Variants in TRAPPC9 observed in about 807,000 individuals in gnomAD.
The protein encoded by TRAPPC9 is IKK2 binding protein.
Under a neutral mutation model 124.0 loss-of-function variants are expected in TRAPPC9, and 83 were observed. That is an observed-to-expected ratio of 0.67 (90% CI 0.56 to 0.80). TRAPPC9 has a LOEUF of 0.80. TRAPPC9 is among the 30% of genes least tolerant of loss of function. The pLI, the probability that TRAPPC9 is intolerant of heterozygous loss-of-function variation, is 0.00. For missense variants in TRAPPC9, 1,302 were observed against 1,508.3 expected, an observed-to-expected ratio of 0.86 and a Z score of 2.27; for synonymous variants, 638 against 617.5, an observed-to-expected ratio of 1.03 and a Z score of -0.49.
chr8:139,753,020 A>ACCAT (rs1311688259), intron 21 of TRAPPC9, among the ~76,000 whole-genome samples: 1 of 146,260 alleles, frequency 6.8e-6, no homozygotes, highest in African/African-American at 2.6e-5. Flanking sequence ...CCACCCATCT[A>ACCAT]CCATCCATCC....
rs188457448 is a variant in TRAPPC9 at position 140,064,304 on chromosome 8, C to T, written c.2557-40225G>A. 1.4e-3 allele frequency among the ~76,000 whole-genome samples: 219 copies of T among 152,258 alleles called. 1 individual carries two copies. The highest frequency in any genetic ancestry group is 5.0e-3 in the African/African-American group (207 of 41,538). On this transcript the variant is annotated intron_variant, in intron 17 of 22. Coordinates refer to ENST00000438773, the MANE Select transcript of TRAPPC9 (RefSeq NM_001160372.4). ...TCTGGTTTTACAACGTGACATTCAT[C>T]GATGTATACCTAGAGTCCTGTGCAA...
chr8:140,439,861 ATT>A (rs60604899), intron 2 of TRAPPC9, among the ~76,000 whole-genome samples: 7 of 151,420 alleles, frequency 4.6e-5, no homozygotes, highest in South Asian at 4.2e-4. Flanking sequence ...AAGATAGATG[ATT>A]TTTTTTTTAA....
intron 17 of TRAPPC9, 76 bp downstream of exon 17, chr8:140,221,383 C>A: frequency 6.9e-6 from 11 of 1,598,520 alleles, no homozygotes; most frequent in Non-Finnish European, 8.6e-6. Context: ...GAAAAGGACT[C>A]AGAGCTGTGC....
chr8:139,999,005 C>T (rs1007451284), intron 18 of TRAPPC9, among the ~76,000 whole-genome samples: 3 of 151,880 alleles, frequency 2.0e-5, no homozygotes, highest in African/African-American at 4.8e-5. Context: ...AAGCTCAATG[C>T]TTTAAAAATC....
rs1175253126 is a variant in TRAPPC9 at position 139,962,491 on chromosome 8, T to C, written c.2810+26235A>G. Among the ~76,000 whole-genome samples, 3 of 125,046 alleles carry C rather than the reference T, an allele frequency of 2.4e-5. 1 individual carries two copies. Among genetic ancestry groups the C allele is most frequent in the Non-Finnish European group, 5.7e-5 (3 of 52,410 alleles). The allele number at this position is 125,046 out of a possible 152,430, so 82.0% of individuals were successfully genotyped here. ...GTATTTGTGGTTTTTCAGTAGTATC[T>C]ATCATCCAAACACCATCATATCCTG... is the stretch of plus-strand genomic sequence containing the variant. On this transcript the variant is annotated intron_variant, in intron 19 of 22. Coordinates refer to ENST00000438773, the MANE Select transcript of TRAPPC9 (RefSeq NM_001160372.4).
chr8:139,975,717 G>A (rs1836395577), intron 19 of TRAPPC9, among the ~76,000 whole-genome samples: 1 of 152,046 alleles, frequency 6.6e-6, no homozygotes, highest in Non-Finnish European at 1.5e-5. Flanking sequence ...CAGGCCATGG[G>A]ACGCCATTTC....
chr8:140,250,434 A>C (rs1384633425), intron 16 of TRAPPC9, among the ~76,000 whole-genome samples: 2 of 152,198 alleles, frequency 1.3e-5, no homozygotes, highest in Non-Finnish European at 2.9e-5. Context: ...AATTGGATCC[A>C]CACGTGGTCC....
chr8:140,397,631 T>G lies in TRAPPC9; in HGVS notation c.1123A>C (p.Asn375His). The change falls in exon 7 of 23, where the codon AAC becomes CAC. Residue 375 changes from asparagine to histidine, a missense_variant. Asn to His is a moderately conservative substitution (Grantham distance 68). This residue lies in a region of TRAPPC9 where 657 missense variants were observed against 811.2 expected (regional missense o/e 0.81). Coordinates refer to ENST00000438773, the MANE Select transcript of TRAPPC9 (RefSeq NM_001160372.4). ...SEFLQNAVYINLRQLSEEEKI... is the reference protein window; with the variant it reads ...SEFLQNAVYIHLRQLSEEEKI... The stretch of plus-strand genomic sequence containing the variant: ...AGACATACACTCACCTGTCGAAGGT[T>G]AATGTAAACTGCATTCTGAAGAAAT... The G allele has an allele frequency of 6.2e-7, 1 of 1,614,134 alleles. No homozygotes were observed. The highest frequency in any genetic ancestry group is 8.5e-7 in the Non-Finnish European group (1 of 1,180,006).
intron 19 of TRAPPC9, among the ~76,000 whole-genome samples, chr8:139,974,351 G>A (rs1283201561): frequency 2.6e-5 from 4 of 152,152 alleles, no homozygotes; most frequent in African/African-American, 9.7e-5. Flanking sequence ...ATGAGCCTCC[G>A]CCATGTGACG....
chr8:140,322,165 A>C (rs2066613574), intron 9 of TRAPPC9, among the ~76,000 whole-genome samples: 1 of 152,156 alleles, frequency 6.6e-6, no homozygotes, highest in African/African-American at 2.4e-5. Flanking sequence ...CCCCAAACCC[A>C]CAAATCCAGC....
intron 21 of TRAPPC9, among the ~76,000 whole-genome samples, chr8:139,800,105 G>A (rs574587471): frequency 6.0e-4 from 91 of 152,370 alleles, no homozygotes; most frequent in Non-Finnish European, 1.1e-3. Context: ...GCCAAAAGAC[G>A]GAGAGGGCAT....
intron 16 of TRAPPC9, among the ~76,000 whole-genome samples, chr8:140,248,753 A>G (rs2064047661): frequency 6.6e-6 from 1 of 152,152 alleles, no homozygotes; most frequent in South Asian, 2.1e-4. Flanking sequence ...AGAATATACT[A>G]TTTTGTGGGT....
At chr8:140,397,536 A>G in intron 7 of TRAPPC9, 84 bp downstream of exon 7, 1 of 1,554,144 alleles carries the variant, frequency 6.4e-7, no homozygotes, top group Non-Finnish European at 8.9e-7. Flanking sequence ...GAACCTCAGC[A>G]AAACGAAATA....
At chr8:139,944,987 G>A (rs1165347172) in intron 19 of TRAPPC9, among the ~76,000 whole-genome samples, 1 of 152,198 alleles carries the variant, frequency 6.6e-6, no homozygotes, top group African/African-American at 2.4e-5. Context: ...AGCTGGGTGT[G>A]GTGGCATGCA....
intron 17 of TRAPPC9, among the ~76,000 whole-genome samples, chr8:140,167,395 A>G (rs536118024): frequency 6.6e-6 from 1 of 152,308 alleles, no homozygotes; most frequent in Admixed American, 6.5e-5. Context: ...CACACACACC[A>G]CACGCCAAAA....
intron 9 of TRAPPC9, among the ~76,000 whole-genome samples, chr8:140,350,265 G>A (rs574398883): frequency 3.9e-4 from 52 of 133,094 alleles, no homozygotes; most frequent in African/African-American, 1.3e-3. Flanking sequence ...ATTCAGCGAC[G>A]TCTGCTGCCA....
chr8:140,151,893 G>A (rs1336772358), intron 17 of TRAPPC9, among the ~76,000 whole-genome samples: 1 of 152,118 alleles, frequency 6.6e-6, no homozygotes, highest in African/African-American at 2.4e-5. Flanking sequence ...TAGATGTGAT[G>A]TCAACTGCCT....
In TRAPPC9 at chr8:140,416,821, C is replaced by A. The variant is rs184982313; in HGVS notation, c.886+9794G>T. On this transcript the variant is annotated intron_variant, in intron 5 of 22. Transcript: ENST00000438773. ...TCACGCTACCTGACTTCAAACTATA[C>A]TACAAGTCTACAGTAACCAAAACAG... 4.1e-3 allele frequency among the ~76,000 whole-genome samples: 629 copies of A among 152,294 alleles called. 6 individuals carry two copies. Among genetic ancestry groups the A allele is most frequent in the African/African-American group, 0.014 (600 of 41,550 alleles).
chr8:140,278,013 G>A (rs1448095289), intron 14 of TRAPPC9, among the ~76,000 whole-genome samples: 2 of 152,286 alleles, frequency 1.3e-5, no homozygotes, highest in Middle Eastern at 3.4e-3. Context: ...TGGCACGCCT[G>A]TGTCCCCCGA....
Sources: allele counts gnomAD v4.1 joint callset (sites outside exome capture counted in the v4.1 genomes callset), GRCh38; gene constraint gnomAD v4.1.1; regional missense constraint gnomAD v4.1.1; transcripts MANE v1.5; gene names NCBI Gene and HGNC (gene_info 2026-07-23, HGNC 2026-07-21).